Variants in CRTAP observed in about 807,000 individuals in gnomAD.
CRTAP encodes the protein cartilage-associated protein.
In CRTAP, 33 loss-of-function variants were observed where a neutral mutation model predicts 42.7. The ratio of observed to expected loss-of-function variants is 0.77; its 90% confidence interval spans 0.59 to 1.03. The LOEUF (loss-of-function observed/expected upper bound fraction) is 1.03. Ranked by LOEUF, CRTAP falls within the 50% of genes least tolerant of loss-of-function variation. The probability of loss-of-function intolerance (pLI) is 0.00; values close to 1 mark genes in which losing one functional copy is unlikely to be tolerated. For missense variants in CRTAP, 613 were observed against 533.9 expected (o/e 1.15, Z -1.46); for synonymous variants, 243 against 217.7 (o/e 1.12, Z -1.02).
rs567907277 is a variant in CRTAP, at chr3:33,145,693, G to A, written c.*3245G>A. On this transcript the variant is annotated 3_prime_UTR_variant, in exon 7 of 7. Transcript: ENST00000320954. The surrounding 1 kb of genome is among the most constrained non-coding windows in gnomAD (Gnocchi z 4.3). ...GCTGTGTGAGAAAATGAAAGCCGAC[G>A]TCCACAGGGACCCAGGCAGGGTTGG... The A allele has an allele frequency of 5.9e-5, 9 of 152,372 alleles. No homozygotes were observed. Among genetic ancestry groups the A allele is most frequent in the East Asian group, 3.9e-4 (2 of 5,172 alleles). The allele number at this position is 152,372 out of a possible 1,614,324, so 9.4% of individuals were successfully genotyped here. A position where few individuals can be genotyped will look rare whatever the true frequency, so the allele number is the denominator to read the frequency against.
rs566994832 is a variant in CRTAP at position 33,147,625 on chromosome 3, A to G, written c.*5177A>G. On this transcript the variant is annotated 3_prime_UTR_variant, in exon 7 of 7. Transcript: ENST00000320954. ...GGTGGCAGCCAGTAGGCCAAACTCC[A>G]AAGACCGTTGCTGATGTCTTTTTCT... The G allele has an allele frequency of 1.4e-4, 22 of 152,372 alleles. No individual in the cohort carries two copies. Among genetic ancestry groups the G allele is most frequent in the African/African-American group, 5.0e-4 (21 of 41,594 alleles). 9.4% of individuals were successfully genotyped at this position (152,372 alleles called of 1,614,324 possible). A position where few individuals can be genotyped will look rare whatever the true frequency, so the allele number is the denominator to read the frequency against.
chr3:33,124,058 C>T (rs1463332306), intron 2 of CRTAP, among the ~76,000 whole-genome samples: 3 of 152,246 alleles, frequency 2.0e-5, no homozygotes, highest in Admixed American at 6.5e-5. Flanking sequence ...TTCATCACCC[C>T]TGAACAATTT....
chr3:33,119,986 A>G (rs891983322), intron 1 of CRTAP, among the ~76,000 whole-genome samples: 2 of 152,008 alleles, frequency 1.3e-5, no homozygotes. Context: ...ACATGACCTT[A>G]CTCTCTTCCC....
At chr3:33,114,903 TGC>T (rs1336482988) in intron 1 of CRTAP, among the ~76,000 whole-genome samples, 2 of 152,126 alleles carry the variant, frequency 1.3e-5, no homozygotes, top group Non-Finnish European at 2.9e-5. Context: ...AGCGGTGACT[TGC>T]GATAATAAAG....
intron 2 of CRTAP, among the ~76,000 whole-genome samples, chr3:33,122,592 C>T (rs902413772): frequency 6.6e-6 from 1 of 151,182 alleles, no homozygotes; most frequent in Non-Finnish European, 1.5e-5. Flanking sequence ...ACCTGTAATC[C>T]TAGCTACTCG....
intron 6 of CRTAP, 129 bp downstream of exon 6, chr3:33,134,394 C>T (rs2030362941): frequency 8.3e-6 from 6 of 722,992 alleles, no homozygotes; most frequent in East Asian, 2.7e-5. Flanking sequence ...AAGACAGTTC[C>T]TGTGGGTGTT....
In CRTAP at chr3:33,114,576, C is replaced by A. The variant is rs963317151; in HGVS notation, c.471+28C>A. 27 of 1,549,792 alleles carry A rather than the reference C, an allele frequency of 1.7e-5. No individual in the cohort carries two copies. The Admixed American group carries it at 4.8e-4, about 28-fold the overall frequency. Reference sequence around the variant, plus strand: ...AAGTCCGCCTCGCCCCGTCCCAGGCCCCGGCCCCGCCCCTGACCCAGCCTC... The same window carrying A: ...AAGTCCGCCTCGCCCCGTCCCAGGCACCGGCCCCGCCCCTGACCCAGCCTC... On this transcript the variant is annotated intron_variant, in intron 1 of 6. Transcript: ENST00000320954.
intron 6 of CRTAP, among the ~76,000 whole-genome samples, chr3:33,138,878 C>T (rs1243939243): frequency 6.6e-6 from 1 of 152,168 alleles, no homozygotes; most frequent in African/African-American, 2.4e-5. Flanking sequence ...TGTGGTGGCT[C>T]ACACCTGTAA....
intron 6 of CRTAP, among the ~76,000 whole-genome samples, chr3:33,139,341 G>T (rs755390379): frequency 6.6e-6 from 1 of 152,112 alleles, no homozygotes; most frequent in Non-Finnish European, 1.5e-5. Context: ...GAACATCCTT[G>T]TCTTGTTCCC....
At chr3:33,119,613 A>G (rs1258111462) in intron 1 of CRTAP, among the ~76,000 whole-genome samples, 1 of 152,196 alleles carries the variant, frequency 6.6e-6, no homozygotes, top group East Asian at 1.9e-4. Context: ...TGGTGGAGTC[A>G]TTGAGAATGT....
intron 6 of CRTAP, among the ~76,000 whole-genome samples, chr3:33,141,714 A>G (rs560578887): frequency 6.6e-6 from 1 of 152,338 alleles, no homozygotes; most frequent in East Asian, 1.9e-4. Flanking sequence ...CAGGAGGGTT[A>G]TAGAAGAGAA....
At chr3:33,132,508 G>T in intron 4 of CRTAP, 47 bp from the exon 5 acceptor site, 1 of 1,611,756 alleles carries the variant, frequency 6.2e-7, no homozygotes, top group South Asian at 1.1e-5. Flanking sequence ...GAAATTATAG[G>T]GTGTGGTTTG....
chr3:33,118,728 T>C (rs1701376897), intron 1 of CRTAP, among the ~76,000 whole-genome samples: 1 of 152,226 alleles, frequency 6.6e-6, no homozygotes, highest in Admixed American at 6.5e-5. Flanking sequence ...TTCTCCCTAC[T>C]AGGTTGTGCC....
At chr3:33,132,960 C>A (rs2125604043) in intron 5 of CRTAP, among the ~76,000 whole-genome samples, 1 of 150,920 alleles carries the variant, frequency 6.6e-6, no homozygotes, top group African/African-American at 2.4e-5. Flanking sequence ...TGGCTGTAGT[C>A]CCAGCTACTT....
intron 6 of CRTAP, among the ~76,000 whole-genome samples, chr3:33,134,995 T>G (rs2030380770): frequency 6.6e-6 from 1 of 152,182 alleles, no homozygotes; most frequent in Non-Finnish European, 1.5e-5. Context: ...CCGTTTTAGG[T>G]GAAGTACCTC....
rs539690400 is a variant in CRTAP, at chr3:33,144,538, T to G, written c.*2090T>G. ...GTGGGTACATTTGAAGGCAAGTGAC[T>G]TCAGTTGAGGGCAAGTCTCTGGAAA... On this transcript the variant is annotated 3_prime_UTR_variant, in exon 7 of 7. Transcript: ENST00000320954. 3.1e-4 allele frequency: 48 copies of G among 152,426 alleles called. No individual in the cohort carries two copies. Among genetic ancestry groups the G allele is most frequent in the African/African-American group, 1.0e-3 (43 of 41,550 alleles). The allele number at this position is 152,426 out of a possible 1,614,324, so 9.4% of individuals were successfully genotyped here. A position where few individuals can be genotyped will look rare whatever the true frequency, so the allele number is the denominator to read the frequency against.
chr3:33,114,090 CGCCGGGGG>C lies in CRTAP; in HGVS notation c.18_25del (p.Ala10SerfsTer148). 2.7e-6 allele frequency: 4 copies of C among 1,461,210 alleles called. No homozygotes were observed. The highest frequency in any genetic ancestry group is 3.6e-6 in the Non-Finnish European group (4 of 1,113,702). 90.5% of individuals were successfully genotyped at this position (1,461,210 alleles called of 1,614,324 possible). On this transcript the variant is annotated frameshift_variant, in exon 1 of 7. Coordinates refer to ENST00000320954, the MANE Select transcript of CRTAP (RefSeq NM_006371.5). LOFTEE classifies it high-confidence loss of function. ...TTCGCCGGGCGCGATGGAGCCGGGG[CGCCGGGGG>C]GCCGCGGCGCTGCTAGCGCTGCTGT...
intron 3 of CRTAP, among the ~76,000 whole-genome samples, chr3:33,125,491 GTTTTT>G (rs60498778): frequency 3.3e-5 from 1 of 30,124 alleles, no homozygotes; most frequent in Non-Finnish European, 5.6e-5. Flanking sequence ...TACAAAGTAG[GTTTTT>G]TTTTTTTTTT....
At chr3:33,117,881 G>A (rs1004731238) in intron 1 of CRTAP, among the ~76,000 whole-genome samples, 3 of 152,238 alleles carry the variant, frequency 2.0e-5, no homozygotes, top group African/African-American at 7.2e-5. Context: ...TCTTCAGGAA[G>A]AGATTCCGTT....
Sources: gnomAD v4.1 joint callset for allele counts (sites outside exome capture counted in the v4.1 genomes callset) on GRCh38, gnomAD v4.1.1 for gene constraint, Gnocchi (gnomAD v3.1) non-coding constraint, MANE v1.5 for transcripts, NCBI Gene and HGNC (gene_info 2026-07-23, HGNC 2026-07-21) for gene names.